Variants in QTMAN observed in about 807,000 individuals in gnomAD.
QTMAN encodes the protein tRNA-queuosine alpha-mannosyltransferase.
chr2:144,123,533 G>C, the QTMAN span, among the ~76,000 whole-genome samples: 1 of 151,974 alleles, frequency 6.6e-6, no homozygotes, highest in Non-Finnish European at 1.5e-5. Flanking sequence ...TTTTCCACAT[G>C]GCCCATCATC....
At chr2:144,123,763 T>A in the QTMAN span, among the ~76,000 whole-genome samples, 2 of 152,070 alleles carry the variant, frequency 1.3e-5, no homozygotes, top group African/African-American at 4.8e-5. Flanking sequence ...AATCTTAGAG[T>A]CATAGATCCA....
At chr2:143,963,389 G>C in the QTMAN span, among the ~76,000 whole-genome samples, 2 of 151,576 alleles carry the variant, frequency 1.3e-5, no homozygotes, top group Non-Finnish European at 2.9e-5. Context: ...TTTTGAGCTG[G>C]GATAAGTGTA....
At chr2:143,968,915 C>T in the QTMAN span, among the ~76,000 whole-genome samples, 3 of 152,172 alleles carry the variant, frequency 2.0e-5, no homozygotes, top group East Asian at 1.9e-4. Context: ...CATATCGTTG[C>T]GAGACACAGC....
chr2:144,105,196 G>A, the QTMAN span, among the ~76,000 whole-genome samples: 9 of 152,246 alleles, frequency 5.9e-5, no homozygotes, highest in Middle Eastern at 3.4e-3. Context: ...AAATCAGAGC[G>A]CCTCTCCCCC....
the QTMAN span, among the ~76,000 whole-genome samples, chr2:144,225,284 C>T: frequency 1.3e-5 from 2 of 152,150 alleles, no homozygotes; most frequent in Non-Finnish European, 2.9e-5. Flanking sequence ...GACCTTCTTT[C>T]CAAGCTCTGC....
chr2:144,161,332 T>C, the QTMAN span, among the ~76,000 whole-genome samples: 1 of 152,180 alleles, frequency 6.6e-6, no homozygotes, highest in African/African-American at 2.4e-5. Context: ...TCCAGTACCC[T>C]GTTGCAGAAC....
At chr2:144,025,273 A>G in the QTMAN span, among the ~76,000 whole-genome samples, 11 of 152,048 alleles carry the variant, frequency 7.2e-5, no homozygotes, top group African/African-American at 2.7e-4. Context: ...AAAACTCAAC[A>G]CCTGCCTCCT....
the QTMAN span, among the ~76,000 whole-genome samples, chr2:144,016,735 C>G: frequency 1.1e-3 from 171 of 152,142 alleles, 2 homozygotes; most frequent in African/African-American, 4.0e-3. Context: ...AAGAATTCCC[C>G]TAGGACAGTG....
chr2:144,213,015 T>G, the QTMAN span, among the ~76,000 whole-genome samples: 2 of 152,184 alleles, frequency 1.3e-5, no homozygotes, highest in African/African-American at 4.8e-5. Flanking sequence ...AAATGCATAT[T>G]CATAATCGAA....
chr2:144,065,346 C>T, the QTMAN span, among the ~76,000 whole-genome samples: 1 of 152,176 alleles, frequency 6.6e-6, no homozygotes, highest in East Asian at 1.9e-4. Context: ...TCACTCTCTA[C>T]CTTTCTTGGC....
the QTMAN span, among the ~76,000 whole-genome samples, chr2:144,287,969 C>T: frequency 1.3e-5 from 2 of 152,178 alleles, no homozygotes; most frequent in Admixed American, 1.3e-4. Flanking sequence ...ATTCTCCTGC[C>T]TCAGCCTCCC....
At chr2:143,964,370 T>C in the QTMAN span, among the ~76,000 whole-genome samples, 2 of 152,154 alleles carry the variant, frequency 1.3e-5, no homozygotes, top group African/African-American at 4.8e-5. Context: ...TTATTCAATC[T>C]TACTAGTACA....
At chr2:144,007,552 A>T in the QTMAN span, 2 of 1,505,634 alleles carry the variant, frequency 1.3e-6, no homozygotes, top group Non-Finnish European at 1.8e-6. Flanking sequence ...CAAAAAAAGA[A>T]TGCAATATAC....
the QTMAN span, among the ~76,000 whole-genome samples, chr2:144,294,751 C>A: frequency 6.6e-6 from 1 of 152,126 alleles, no homozygotes; most frequent in African/African-American, 2.4e-5. Flanking sequence ...AGTTTTGCCA[C>A]TGAGAACTAG....
chr2:144,188,992 G>A, the QTMAN span, among the ~76,000 whole-genome samples: 6 of 152,022 alleles, frequency 3.9e-5, no homozygotes, highest in African/African-American at 1.5e-4. Flanking sequence ...AAAACAAACA[G>A]AATTATTAGT....
At chr2:144,292,986 T>C in the QTMAN span, among the ~76,000 whole-genome samples, 1 of 152,170 alleles carries the variant, frequency 6.6e-6, no homozygotes, top group Non-Finnish European at 1.5e-5. Context: ...CAATAAAATT[T>C]TGAAGATATT....
chr2:144,323,908 T>C, the QTMAN span, among the ~76,000 whole-genome samples: 1 of 152,220 alleles, frequency 6.6e-6, no homozygotes, highest in Admixed American at 6.5e-5. Context: ...AAGTTACTTG[T>C]CCAAGGTCAC....
At chr2:144,007,438 C>G in the QTMAN span, 1 of 1,613,302 alleles carries the variant, frequency 6.2e-7, no homozygotes, top group Non-Finnish European at 8.5e-7. Flanking sequence ...TCTCTCTGCT[C>G]TGGCTGAAAA....
chr2:144,037,035 T>A, the QTMAN span, among the ~76,000 whole-genome samples: 23 of 152,212 alleles, frequency 1.5e-4, no homozygotes, highest in African/African-American at 5.5e-4. Flanking sequence ...TCACATATTT[T>A]ATGATTCAAT....
Sources: gnomAD v4.1 joint callset for allele counts (sites outside exome capture counted in the v4.1 genomes callset) on GRCh38, gnomAD v4.1.1 for gene constraint, MANE v1.5 for transcripts, NCBI Gene and HGNC (gene_info 2026-07-23, HGNC 2026-07-21) for gene names.